The following CNTN5 variants were observed in gnomAD, a reference collection of about 807,000 sequenced individuals.
The protein encoded by CNTN5 is contactin 5.
In CNTN5, 77 loss-of-function variants were observed where a neutral mutation model predicts 129.1. The ratio of observed to expected loss-of-function variants is 0.60; its 90% CI spans 0.50 to 0.72. The LOEUF (loss-of-function observed/expected upper bound fraction) is 0.72, where lower values mean the gene tolerates loss of function less well. CNTN5 is among the 30% of genes least tolerant of loss of function. CNTN5 has a pLI of 0.00. For synonymous variants in CNTN5, 509 were observed against 465.6 expected, an observed-to-expected ratio of 1.09 and a Z score of -1.20; for missense variants, 1,478 against 1,328.8, an observed-to-expected ratio of 1.11 and a Z score of -1.75.
At chr11:99,067,183 A>G (rs56770181) in intron 1 of CNTN5, among the ~76,000 whole-genome samples, 4,050 of 152,242 alleles carry the variant, frequency 0.027, 146 homozygotes, top group African/African-American at 0.077. Flanking sequence ...AACTGCTTAG[A>G]AATCTCCTAT....
intron 3 of CNTN5, among the ~76,000 whole-genome samples, chr11:99,627,810 T>C (rs1042217619): frequency 6.6e-6 from 1 of 151,692 alleles, no homozygotes; most frequent in Non-Finnish European, 1.5e-5. Context: ...CTGACAAGTC[T>C]TGTGCAGACA....
In CNTN5 at chr11:99,599,181, G is replaced by GT. The variant is rs940773428; in HGVS notation, c.55+42922dup. The stretch of plus-strand genomic sequence containing the variant: ...AAATCTCAATTTGTTACTTGGAGGT[G>GT]TTTTTTTTTTAACATAAAATAAGAT... On this transcript the variant is annotated intron_variant, in intron 3 of 24. Coordinates refer to ENST00000524871, the MANE Select transcript of CNTN5 (RefSeq NM_014361.4). 3.6e-3 allele frequency among the ~76,000 whole-genome samples: 538 copies of GT among 147,522 alleles called. 2 individuals are homozygous for GT. Among genetic ancestry groups the GT allele is most frequent in the African/African-American group, 6.0e-3 (241 of 40,316 alleles).
chr11:99,384,018 TA>T (rs1166496898), intron 2 of CNTN5, among the ~76,000 whole-genome samples: 7 of 152,176 alleles, frequency 4.6e-5, no homozygotes, highest in Non-Finnish European at 8.8e-5. Context: ...CCACGGGTGA[TA>T]AAACACATCA....
At chr11:99,863,893 A>G (rs1195656686) in intron 6 of CNTN5, among the ~76,000 whole-genome samples, 2 of 152,198 alleles carry the variant, frequency 1.3e-5, no homozygotes, top group African/African-American at 4.8e-5. Flanking sequence ...AGTGGAATTT[A>G]CAGTAATAAG....
chr11:99,116,727 A>G (rs1190975781), intron 1 of CNTN5, among the ~76,000 whole-genome samples: 1 of 152,228 alleles, frequency 6.6e-6, no homozygotes, highest in Non-Finnish European at 1.5e-5. Flanking sequence ...TGACTTGAGA[A>G]AGTGGGTAGA....
chr11:100,065,780 T>G (rs979315736), intron 10 of CNTN5, among the ~76,000 whole-genome samples: 3 of 152,108 alleles, frequency 2.0e-5, no homozygotes, highest in African/African-American at 7.2e-5. Flanking sequence ...TTCTATATAC[T>G]ATAGTTAACA....
At chr11:99,757,970 CT>C (rs1405319649) in intron 3 of CNTN5, among the ~76,000 whole-genome samples, 3 of 151,974 alleles carry the variant, frequency 2.0e-5, no homozygotes, top group Admixed American at 1.3e-4. Context: ...CAGCTTCTTT[CT>C]TTTATAAACA....
intron 1 of CNTN5, among the ~76,000 whole-genome samples, chr11:99,098,055 A>G (rs1311688901): frequency 6.6e-6 from 1 of 152,082 alleles, no homozygotes; most frequent in African/African-American, 2.4e-5. Context: ...GTGGAATTCT[A>G]TATATCTCAT....
chr11:99,593,683 T>G (rs1009092772), intron 3 of CNTN5, among the ~76,000 whole-genome samples: 1 of 152,200 alleles, frequency 6.6e-6, no homozygotes, highest in African/African-American at 2.4e-5. Flanking sequence ...TTTAGGTTGT[T>G]TTGTTCTTCC....
chr11:99,631,406 T>C (rs1951343364), intron 3 of CNTN5, among the ~76,000 whole-genome samples: 1 of 152,042 alleles, frequency 6.6e-6, no homozygotes, highest in South Asian at 2.1e-4. Context: ...CTTAACAAAC[T>C]GCTTGAATTA....
intron 9 of CNTN5, among the ~76,000 whole-genome samples, chr11:100,057,994 T>C (rs1943305365): frequency 6.6e-6 from 1 of 152,066 alleles, no homozygotes; most frequent in South Asian, 2.1e-4. Context: ...GTTAAGTTAC[T>C]TGTAGTTGCA....
At chr11:99,504,707 G>C (rs1478175699) in intron 2 of CNTN5, among the ~76,000 whole-genome samples, 8 of 152,208 alleles carry the variant, frequency 5.3e-5, no homozygotes, top group Non-Finnish European at 1.0e-4. Context: ...TAAATTGTTA[G>C]AAAGTCGTTC....
intron 7 of CNTN5, among the ~76,000 whole-genome samples, chr11:99,938,347 A>G (rs139897228): frequency 5.2e-4 from 79 of 152,288 alleles, no homozygotes; most frequent in South Asian, 3.9e-3. Context: ...TATTATTGCA[A>G]ATAATAGAGA....
intron 6 of CNTN5, among the ~76,000 whole-genome samples, chr11:99,884,719 G>C (rs1436324211): frequency 1.3e-5 from 2 of 152,210 alleles, no homozygotes; most frequent in African/African-American, 4.8e-5. Flanking sequence ...GCTCACGCCT[G>C]TAATCCCAGC....
At chr11:99,685,472 G>T (rs947404974) in intron 3 of CNTN5, among the ~76,000 whole-genome samples, 5 of 151,670 alleles carry the variant, frequency 3.3e-5, no homozygotes, top group Non-Finnish European at 7.4e-5. Flanking sequence ...ATATTCCACT[G>T]TTGTTGTCAA....
At chr11:100,283,387 C>G (rs1350773105) in intron 18 of CNTN5, among the ~76,000 whole-genome samples, 1 of 152,150 alleles carries the variant, frequency 6.6e-6, no homozygotes, top group Non-Finnish European at 1.5e-5. Context: ...GCTGTGCAGC[C>G]TGGACTTAGG....
intron 3 of CNTN5, among the ~76,000 whole-genome samples, chr11:99,729,279 T>C (rs531426403): frequency 1.3e-5 from 2 of 152,216 alleles, no homozygotes; most frequent in Admixed American, 1.3e-4. Context: ...GAAAATTCAA[T>C]GCTCACTATT....
chr11:99,187,406 A>AATTAATACAAATTACAATTTGTTAT (rs536845999), intron 1 of CNTN5, among the ~76,000 whole-genome samples: 13 of 151,626 alleles, frequency 8.6e-5, no homozygotes, highest in Non-Finnish European at 1.8e-4. Flanking sequence ...ACAATTTACA[A>AATTAATACAAATTACAATTTGTTAT]ATTAATACAA....
At chr11:100,197,474 C>T (rs1948671665) in intron 15 of CNTN5, among the ~76,000 whole-genome samples, 1 of 151,880 alleles carries the variant, frequency 6.6e-6, no homozygotes, top group African/African-American at 2.4e-5. Context: ...TAAGTGTTGA[C>T]CTTAAATAAC....
Sources: allele counts gnomAD v4.1 joint callset (sites outside exome capture counted in the v4.1 genomes callset), GRCh38; gene constraint gnomAD v4.1.1; transcripts MANE v1.5; gene names NCBI Gene and HGNC (gene_info 2026-07-23, HGNC 2026-07-21).